GRM7: variants seen among roughly 807,000 people sequenced by gnomAD.
The protein encoded by GRM7 is metabotropic glutamate receptor 7.
Under a neutral mutation model 84.5 loss-of-function variants are expected in GRM7, and 35 were observed. The observed-to-expected ratio is 0.41, with a 90% CI of 0.32 to 0.55. GRM7 has a LOEUF of 0.55. GRM7 is among the 20% of genes least tolerant of loss of function. The probability of loss-of-function intolerance (pLI) is 0.19; values close to 1 mark genes in which losing one functional copy is unlikely to be tolerated. For synonymous variants in GRM7, 487 were observed against 455.1 expected (o/e 1.07, Z -0.89); for missense variants, 1,003 against 1,194.6 (o/e 0.84, Z 2.36).
intron 2 of GRM7, among the ~76,000 whole-genome samples, chr3:7,265,895 T>A (rs1299921858): frequency 6.6e-6 from 1 of 152,138 alleles, no homozygotes; most frequent in Non-Finnish European, 1.5e-5. Context: ...TTAATCCTCC[T>A]AAGTGTCCTG....
intron 4 of GRM7, among the ~76,000 whole-genome samples, chr3:7,374,753 A>C (rs192329131): frequency 1.8e-3 from 273 of 151,830 alleles, no homozygotes; most frequent in Admixed American, 3.1e-3. Flanking sequence ...GGCCTCCCAA[A>C]GTGCTGGGAT....
At chr3:6,905,961 G>A (rs1046290077) in intron 1 of GRM7, among the ~76,000 whole-genome samples, 7 of 152,160 alleles carry the variant, frequency 4.6e-5, no homozygotes, top group Admixed American at 1.3e-4. Flanking sequence ...AACCTAAGTG[G>A]CCATATTGAT....
intron 2 of GRM7, among the ~76,000 whole-genome samples, chr3:7,159,155 G>T (rs562899908): frequency 6.6e-6 from 1 of 152,126 alleles, no homozygotes; most frequent in African/African-American, 2.4e-5. Flanking sequence ...AAAATAGAGA[G>T]ATGAGACATA....
intron 1 of GRM7, among the ~76,000 whole-genome samples, chr3:7,040,466 C>A (rs989788884): frequency 2.2e-4 from 33 of 151,914 alleles, no homozygotes; most frequent in Non-Finnish European, 2.9e-4. Context: ...CCATGCCCAG[C>A]TAATTTTTTT....
intron 2 of GRM7, among the ~76,000 whole-genome samples, chr3:7,250,832 A>G (rs572715340): frequency 6.6e-6 from 1 of 152,224 alleles, no homozygotes; most frequent in South Asian, 2.1e-4. Context: ...CCAATATTAT[A>G]TATATTTTTT....
chr3:7,718,695 C>G (rs1701842945), intron 9 of GRM7, among the ~76,000 whole-genome samples: 1 of 152,106 alleles, frequency 6.6e-6, no homozygotes, highest in African/African-American at 2.4e-5. Context: ...ATCCAAAGAC[C>G]ATCTGCCAAG....
intron 4 of GRM7, among the ~76,000 whole-genome samples, chr3:7,335,438 A>C (rs1208801374): frequency 6.6e-6 from 1 of 152,112 alleles, no homozygotes; most frequent in African/African-American, 2.4e-5. Flanking sequence ...TATAGCATTA[A>C]ATGCTTACAT....
At chr3:7,292,395 T>A (rs1040967185) in intron 2 of GRM7, among the ~76,000 whole-genome samples, 2 of 152,196 alleles carry the variant, frequency 1.3e-5, no homozygotes, top group African/African-American at 2.4e-5. Flanking sequence ...GATAACTATC[T>A]TGTCATTTAG....
At chr3:6,930,753 T>A (rs186895993) in intron 1 of GRM7, among the ~76,000 whole-genome samples, 1 of 152,344 alleles carries the variant, frequency 6.6e-6, no homozygotes, top group Admixed American at 6.5e-5. Context: ...GTACTTGGTT[T>A]AGATCAAGAT....
chr3:6,886,546 A>G (rs994099358), intron 1 of GRM7, among the ~76,000 whole-genome samples: 6 of 152,114 alleles, frequency 3.9e-5, no homozygotes, highest in African/African-American at 1.4e-4. Flanking sequence ...TCTGGGTTGG[A>G]ATCTCACTTC....
At chr3:7,087,392 CT>C (rs55998387) in intron 1 of GRM7, among the ~76,000 whole-genome samples, 7,206 of 147,044 alleles carry the variant, frequency 0.049, 410 homozygotes, top group African/African-American at 0.14. Flanking sequence ...AGAATATGCT[CT>C]TTTTTTTTTT....
chr3:7,313,677 ATTG>A (rs1700484922), intron 4 of GRM7, among the ~76,000 whole-genome samples: 1 of 152,126 alleles, frequency 6.6e-6, no homozygotes, highest in South Asian at 2.1e-4. Flanking sequence ...TTCAAGACAG[ATTG>A]TTACCTTTGC....
rs1182700829 is a variant in GRM7 at position 7,360,172 on chromosome 3, T to A, written c.1033+53520T>A. Among the ~76,000 whole-genome samples, 14 of 137,598 alleles carry A rather than the reference T, an allele frequency of 1.0e-4. 1 individual carries two copies. The highest frequency in any genetic ancestry group is 2.2e-4 in the Non-Finnish European group (14 of 64,062). The allele number at this position is 137,598 out of a possible 152,430, so 90.3% of individuals were successfully genotyped here. A position where few individuals can be genotyped will look rare whatever the true frequency, so the allele number is the denominator to read the frequency against. On this transcript the variant is annotated intron_variant, in intron 4 of 9. Transcript: ENST00000357716. ...GTGTGTGTGTGTGTGTGTGTGTGTGTGAAAGAAAATGTGTGTAGAGAGAGA... is the reference window on the plus strand; with the variant it reads ...GTGTGTGTGTGTGTGTGTGTGTGTGAGAAAGAAAATGTGTGTAGAGAGAGA...
At chr3:7,311,089 T>C (rs75280931) in intron 4 of GRM7, among the ~76,000 whole-genome samples, 15,555 of 152,240 alleles carry the variant, frequency 0.1, 1,069 homozygotes, top group Non-Finnish European at 0.16. Flanking sequence ...AAATGATACA[T>C]ATATCCTTTA....
chr3:7,101,089 A>G (rs902785332), intron 1 of GRM7, among the ~76,000 whole-genome samples: 1 of 151,700 alleles, frequency 6.6e-6, no homozygotes, highest in African/African-American at 2.4e-5. Context: ...TTGTAGAGAT[A>G]TGTTTTCATT....
intron 2 of GRM7, among the ~76,000 whole-genome samples, chr3:7,284,479 G>C (rs1004502490): frequency 1.7e-4 from 26 of 152,136 alleles, no homozygotes; most frequent in African/African-American, 6.0e-4. Flanking sequence ...GGGAAATTTA[G>C]ATGGGATGAA....
At chr3:7,659,436 C>T (rs570223325) in intron 8 of GRM7, among the ~76,000 whole-genome samples, 2 of 151,478 alleles carry the variant, frequency 1.3e-5, no homozygotes, top group Admixed American at 6.6e-5. Flanking sequence ...CTTTTAACTT[C>T]GGTAATGGTC....
intron 4 of GRM7, among the ~76,000 whole-genome samples, chr3:7,355,945 G>C (rs1237896700): frequency 6.6e-6 from 1 of 152,164 alleles, no homozygotes; most frequent in African/African-American, 2.4e-5. Flanking sequence ...TGCATGATAA[G>C]CAGGTGCCAC....
intron 7 of GRM7, among the ~76,000 whole-genome samples, chr3:7,549,112 C>T (rs1693315543): frequency 6.6e-6 from 1 of 152,084 alleles, no homozygotes; most frequent in Non-Finnish European, 1.5e-5. Context: ...TATGAGAGAG[C>T]TAACTATTAG....
Sources: allele counts gnomAD v4.1 joint callset (sites outside exome capture counted in the v4.1 genomes callset), GRCh38; gene constraint gnomAD v4.1.1; transcripts MANE v1.5; gene names NCBI Gene and HGNC (gene_info 2026-07-23, HGNC 2026-07-21).